Variants in ARSG observed in about 807,000 individuals in gnomAD.
ARSG encodes the protein ASG.
In ARSG, 37 loss-of-function variants were observed where a neutral mutation model predicts 50.5. The ratio of observed to expected loss-of-function variants is 0.73; its 90% confidence interval spans 0.56 to 0.96. The LOEUF is 0.96. Ranked by LOEUF, ARSG falls within the 50% of genes least tolerant of loss-of-function variation. ARSG has a pLI of 0.00. For synonymous variants in ARSG, 225 were observed against 254.6 expected (o/e 0.88, Z 1.11); for missense variants, 629 against 675.3 (o/e 0.93, Z 0.76).
At chr17:68,430,297 C>G in the ARSG span, 1 of 814,002 alleles carries the variant, frequency 1.2e-6, no homozygotes, top group East Asian at 2.6e-5. Context: ...GTTCTGCCCA[C>G]TGAGAACAAT....
the ARSG span, chr17:68,433,681 C>G: frequency 1.3e-6 from 1 of 773,192 alleles, no homozygotes; most frequent in Non-Finnish European, 2.1e-6. Flanking sequence ...CCTGAAGAGC[C>G]TAGGTAGACC....
At chr17:68,423,282 A>C (rs751562638), downstream of ARSG, among the ~76,000 whole-genome samples, 1 of 152,236 alleles carries the variant, frequency 6.6e-6, no homozygotes, top group Non-Finnish European at 1.5e-5. The surrounding 1 kb of genome is among the most constrained non-coding windows in gnomAD (Gnocchi z 4.4). Context: ...ATTTCTGCCA[A>C]TTCAGGCATG....
chr17:68,315,112 G>T (rs2077020506), intron 2 of ARSG, among the ~76,000 whole-genome samples: 1 of 152,190 alleles, frequency 6.6e-6, no homozygotes, highest in South Asian at 2.1e-4. Context: ...AACACGCCCA[G>T]AGTTGGTGAG....
At chr17:68,345,969 G>T (rs141389519) in intron 3 of ARSG, among the ~76,000 whole-genome samples, 2 of 152,034 alleles carry the variant, frequency 1.3e-5, no homozygotes, top group Non-Finnish European at 2.9e-5. Flanking sequence ...CCCACCTCCC[G>T]GGTTCAAGTG....
At chr17:68,372,944 T>C (rs540219116) in intron 8 of ARSG, among the ~76,000 whole-genome samples, 3 of 136,826 alleles carry the variant, frequency 2.2e-5, no homozygotes, top group East Asian at 4.9e-4. Flanking sequence ...CAGGCTGGAG[T>C]GCAGTGGCAC....
At chr17:68,277,607 T>A (rs2075566379) in intron 1 of ARSG, among the ~76,000 whole-genome samples, 1 of 152,176 alleles carries the variant, frequency 6.6e-6, no homozygotes, top group African/African-American at 2.4e-5. Flanking sequence ...TTTTTCTATT[T>A]TCAGTAGAGA....
At chr17:68,444,396 A>G in the ARSG span, 62 of 1,107,342 alleles carry the variant, frequency 5.6e-5, no homozygotes, top group East Asian at 1.5e-3. Context: ...AAAAGCAAAC[A>G]CTGCTTCACG....
upstream of ARSG, among the ~76,000 whole-genome samples, chr17:68,287,187 T>C (rs2075860696): frequency 6.6e-6 from 1 of 151,422 alleles, no homozygotes; most frequent in Admixed American, 6.6e-5. Flanking sequence ...ACCATGTTGG[T>C]CAGGCTGGTC....
chr17:68,444,246 T>C, the ARSG span, among the ~76,000 whole-genome samples: 1 of 152,176 alleles, frequency 6.6e-6, no homozygotes, highest in Non-Finnish European at 1.5e-5. Flanking sequence ...CATTTGCTGA[T>C]ATGGGTCCCA....
At chr17:68,387,693 C>T (rs961500331) in intron 9 of ARSG, among the ~76,000 whole-genome samples, 8 of 152,170 alleles carry the variant, frequency 5.3e-5, no homozygotes, top group Non-Finnish European at 8.8e-5. Flanking sequence ...GCACCCTCCG[C>T]CCAGACTGCA....
At chr17:68,425,516 C>T (rs907588626), downstream of ARSG, among the ~76,000 whole-genome samples, 3 of 151,940 alleles carry the variant, frequency 2.0e-5, no homozygotes, top group Non-Finnish European at 2.9e-5. Flanking sequence ...CCACCGCACC[C>T]GGCCACTTGT....
chr17:68,333,194 C>T (rs2077853482), intron 2 of ARSG, among the ~76,000 whole-genome samples: 1 of 152,190 alleles, frequency 6.6e-6, no homozygotes, highest in African/African-American at 2.4e-5. Context: ...TGGGGGCAGA[C>T]ACCTGTAGTC....
chr17:68,333,567 G>T (rs1313454015), intron 2 of ARSG, among the ~76,000 whole-genome samples: 1 of 151,796 alleles, frequency 6.6e-6, no homozygotes, highest in Non-Finnish European at 1.5e-5. Context: ...GGTGGAGGTT[G>T]CAGTGAGCCG....
intron 6 of ARSG, among the ~76,000 whole-genome samples, chr17:68,365,073 G>A (rs1245605179): frequency 6.6e-6 from 1 of 152,242 alleles, no homozygotes; most frequent in Non-Finnish European, 1.5e-5. Flanking sequence ...ACTTTGGGAG[G>A]CTAAGGCAGG....
At chr17:68,278,370 G>T (rs1005371741) in intron 1 of ARSG, 3 of 1,279,306 alleles carry the variant, frequency 2.3e-6, no homozygotes, top group Non-Finnish European at 2.3e-6. Context: ...GCAATAGCAT[G>T]AGGATCGATG....
the ARSG span, among the ~76,000 whole-genome samples, chr17:68,443,008 C>T: frequency 1.3e-5 from 2 of 152,234 alleles, no homozygotes; most frequent in Non-Finnish European, 2.9e-5. Flanking sequence ...AGCTTCTTCA[C>T]GTACCGTCTT....
chr17:68,292,335 C>T (rs893004371), intron 1 of ARSG, among the ~76,000 whole-genome samples: 3 of 152,160 alleles, frequency 2.0e-5, no homozygotes, highest in Admixed American at 1.3e-4. Context: ...GTCCGTGCCC[C>T]TCATCCCGTA....
chr17:68,398,850 C>A (rs957885658), intron 10 of ARSG, among the ~76,000 whole-genome samples: 27 of 152,226 alleles, frequency 1.8e-4, no homozygotes, highest in African/African-American at 6.3e-4. Context: ...AGCTCAACCT[C>A]CTGCTTCTGA....
downstream of ARSG, among the ~76,000 whole-genome samples, chr17:68,423,486 G>A (rs933272862): frequency 4.6e-5 from 7 of 152,172 alleles, no homozygotes; most frequent in Non-Finnish European, 1.0e-4. The surrounding 1 kb of genome is among the most constrained non-coding windows in gnomAD (Gnocchi z 4.4). Flanking sequence ...TGCACACAGG[G>A]GCTGCTTGAC....
Sources: gnomAD v4.1 joint callset for allele counts (sites outside exome capture counted in the v4.1 genomes callset) on GRCh38, gnomAD v4.1.1 for gene constraint, Gnocchi (gnomAD v3.1) non-coding constraint, MANE v1.5 for transcripts, NCBI Gene and HGNC (gene_info 2026-07-23, HGNC 2026-07-21) for gene names.